The following LRP1B variants were observed in gnomAD, a reference collection of about 807,000 sequenced individuals.
LRP1B encodes low-density lipoprotein receptor-related protein 1B.
In LRP1B, 217 loss-of-function variants were observed where a neutral mutation model predicts 556.6. The observed-to-expected ratio is 0.39, with a 90% CI of 0.35 to 0.44. The LOEUF (loss-of-function observed/expected upper bound fraction) is 0.44. Ranked by LOEUF, LRP1B falls within the 20% of genes least tolerant of loss-of-function variation. The pLI is 1.00. For synonymous variants in LRP1B, 2,047 were observed against 1,865.8 expected, an observed-to-expected ratio of 1.10 and a Z score of -2.50; for missense variants, 5,053 against 5,620.8, an observed-to-expected ratio of 0.90 and a Z score of 3.23.
chr2:141,784,437 C>T (rs1695359892), intron 2 of LRP1B, among the ~76,000 whole-genome samples: 1 of 151,898 alleles, frequency 6.6e-6, no homozygotes, highest in Non-Finnish European at 1.5e-5. Flanking sequence ...GGCTCTACAA[C>T]GCTAGTTATA....
intron 83 of LRP1B, among the ~76,000 whole-genome samples, chr2:140,303,358 C>T (rs966923690): frequency 1.3e-5 from 2 of 151,982 alleles, no homozygotes; most frequent in Non-Finnish European, 2.9e-5. Context: ...CGCAATTCTG[C>T]TGCCTCAGCC....
At chr2:141,693,089 G>T (rs753181784) in intron 2 of LRP1B, among the ~76,000 whole-genome samples, 1 of 152,012 alleles carries the variant, frequency 6.6e-6, no homozygotes, top group Non-Finnish European at 1.5e-5. Context: ...TGCAGGTCAC[G>T]CATTTACCAG....
intron 1 of LRP1B, among the ~76,000 whole-genome samples, chr2:142,045,170 G>A (rs1358897525): frequency 1.3e-5 from 2 of 149,068 alleles, no homozygotes; most frequent in Admixed American, 6.7e-5. Flanking sequence ...CAACAAAAAA[G>A]GAAATGACTG....
chr2:140,563,295 T>G (rs1478377357), intron 43 of LRP1B, among the ~76,000 whole-genome samples: 3 of 152,190 alleles, frequency 2.0e-5, no homozygotes, highest in African/African-American at 7.2e-5. Flanking sequence ...GTTGGAGAGA[T>G]ATTAGAGATT....
chr2:140,420,335 G>C (rs1365017772), intron 66 of LRP1B, among the ~76,000 whole-genome samples: 1 of 152,114 alleles, frequency 6.6e-6, no homozygotes, highest in Non-Finnish European at 1.5e-5. Flanking sequence ...TATGAATTAA[G>C]ATATACTACA....
rs188748425 is a variant in LRP1B, at chr2:141,439,220, T to C, written c.343+41176A>G. Among the ~76,000 whole-genome samples, 503 of 152,228 alleles carry C rather than the reference T, an allele frequency of 3.3e-3. 3 individuals are homozygous for C. Among genetic ancestry groups the C allele is most frequent in the African/African-American group, 0.011 (470 of 41,542 alleles). On this transcript the variant is annotated intron_variant, in intron 3 of 90. Transcript: ENST00000389484. ...GGCTGTGAAATCATTTATTATGTAC[T>C]ACACGGGAACATATTAAATGTGAGA...
chr2:140,431,807 C>T (rs929097917), intron 66 of LRP1B, among the ~76,000 whole-genome samples: 2 of 152,106 alleles, frequency 1.3e-5, no homozygotes, highest in Admixed American at 6.6e-5. Flanking sequence ...TCACCCCTTA[C>T]CACAAAATCT....
chr2:140,282,540 C>T (rs1201089624), intron 84 of LRP1B, among the ~76,000 whole-genome samples: 1 of 151,788 alleles, frequency 6.6e-6, no homozygotes, highest in Non-Finnish European at 1.5e-5. Flanking sequence ...TTGCTGTTCT[C>T]TTTCCTTTCT....
At chr2:141,609,561 T>C (rs1383583791) in intron 2 of LRP1B, among the ~76,000 whole-genome samples, 1 of 152,232 alleles carries the variant, frequency 6.6e-6, no homozygotes, top group African/African-American at 2.4e-5. Context: ...CTCACTTAAT[T>C]GTATGCTTAT....
At chr2:140,678,411 G>T (rs1028466642) in intron 41 of LRP1B, among the ~76,000 whole-genome samples, 1 of 152,112 alleles carries the variant, frequency 6.6e-6, no homozygotes, top group South Asian at 2.1e-4. Flanking sequence ...TCCATGTTTA[G>T]GTTGTAGTTT....
At chr2:140,660,386 G>A (rs1366372518) in intron 41 of LRP1B, among the ~76,000 whole-genome samples, 2 of 151,854 alleles carry the variant, frequency 1.3e-5, no homozygotes, top group African/African-American at 2.4e-5. Flanking sequence ...TTGTATTTTT[G>A]TGATTCCTGT....
intron 1 of LRP1B, among the ~76,000 whole-genome samples, chr2:141,952,616 G>A (rs1701137301): frequency 6.6e-6 from 1 of 152,112 alleles, no homozygotes; most frequent in Admixed American, 6.6e-5. Context: ...ACATTGAAAT[G>A]TAAGATGATG....
At chr2:141,054,229 T>C (rs773438003) in intron 10 of LRP1B, among the ~76,000 whole-genome samples, 32 of 151,976 alleles carry the variant, frequency 2.1e-4, no homozygotes, top group Non-Finnish European at 4.3e-4. Flanking sequence ...ATGACAGGAT[T>C]GTGACCAGAG....
intron 43 of LRP1B, among the ~76,000 whole-genome samples, chr2:140,566,198 G>T (rs1342839701): frequency 1.3e-5 from 2 of 152,152 alleles, no homozygotes; most frequent in Non-Finnish European, 2.9e-5. Flanking sequence ...ACAAGTAGCT[G>T]CTAACCCCTT....
intron 7 of LRP1B, among the ~76,000 whole-genome samples, chr2:141,081,827 C>T (rs542985010): frequency 1.2e-4 from 19 of 152,232 alleles, no homozygotes; most frequent in South Asian, 4.2e-4. Context: ...AGCTGAGAAA[C>T]GTCCAACTCT....
chr2:141,601,194 G>A lies in LRP1B; in HGVS notation c.206-120661C>T, dbSNP rs1182134227. 1.8e-3 allele frequency among the ~76,000 whole-genome samples: 249 copies of A among 137,714 alleles called. 2 individuals are homozygous for A. Among genetic ancestry groups the A allele is most frequent in the African/African-American group, 6.2e-3 (222 of 35,940 alleles). The allele number at this position is 137,714 out of a possible 152,430, so 90.3% of individuals were successfully genotyped here. On this transcript the variant is annotated intron_variant, in intron 2 of 90. Coordinates refer to ENST00000389484, the MANE Select transcript of LRP1B (RefSeq NM_018557.3). The stretch of plus-strand genomic sequence containing the variant: ...GATCCTAAACATATAGTATCTGTCT[G>A]TCTGTCAGTATCTATCTATCTATCT...
intron 27 of LRP1B, among the ~76,000 whole-genome samples, chr2:140,853,196 C>A (rs541928502): frequency 9.4e-4 from 143 of 152,164 alleles, no homozygotes; most frequent in African/African-American, 3.2e-3. Flanking sequence ...CACAAACTCT[C>A]ATGTAGAGGT....
Position 140,527,486 on chromosome 2 carries a change from A to G in LRP1B, c.7763-1136T>C, listed in dbSNP as rs151129094. 1.8e-3 allele frequency among the ~76,000 whole-genome samples: 269 copies of G among 152,062 alleles called. 3 individuals carry two copies. The highest frequency in any genetic ancestry group is 3.9e-3 in the Admixed American group (59 of 15,206). On this transcript the variant is annotated intron_variant, in intron 47 of 90. Transcript: ENST00000389484. ...GTGTGTATGTCATTTGTATTTCATA[A>G]TGTATGGTTCTTATTATATTGAATT...
At chr2:140,949,251 C>A (rs1201058546) in intron 20 of LRP1B, among the ~76,000 whole-genome samples, 1 of 152,180 alleles carries the variant, frequency 6.6e-6, no homozygotes, top group East Asian at 1.9e-4. Context: ...TAAATAACAT[C>A]TTTCAGTCTC....
Sources: gnomAD v4.1 joint callset for allele counts (sites outside exome capture counted in the v4.1 genomes callset) on GRCh38, gnomAD v4.1.1 for gene constraint, MANE v1.5 for transcripts, NCBI Gene and HGNC (gene_info 2026-07-23, HGNC 2026-07-21) for gene names.